KLC3: variants seen among roughly 807,000 people sequenced by gnomAD.
KLC3 encodes kinesin light chain 3, also known as kinesin light chain 2.
KLC3 carries 72 observed loss-of-function variants against 62.9 expected under a neutral mutation model. The ratio of observed to expected loss-of-function variants is 1.15; its 90% CI spans 0.95 to 1.39. KLC3 has a LOEUF of 1.39. KLC3 is among the 40% of genes most tolerant of loss of function. The pLI is 0.00. For synonymous variants in KLC3, 377 were observed against 300.5 expected (o/e 1.25, Z -2.63); for missense variants, 848 against 691.6 (o/e 1.23, Z -2.54).
intron 3 of KLC3, 120 bp downstream of exon 3, chr19:45,346,894 GACCCTCCTTAGAATGCCACAGTCCCCCA>G: frequency 1.0e-6 from 1 of 956,210 alleles, no homozygotes; most frequent in South Asian, 1.7e-5. Flanking sequence ...CAGTCCCCCA[GACCCTCCTTAGAATGCCACAGTCCCCCA>G]ACCCTCCACA....
At chr19:45,349,350 A>G in intron 7 of KLC3, 79 bp from the exon 8 acceptor site, 1 of 1,435,542 alleles carries the variant, frequency 7.0e-7, no homozygotes, top group South Asian at 1.3e-5. Flanking sequence ...TCCCCAACTC[A>G]TGACCACCAT....
intron 5 of KLC3, 25 bp downstream of exon 5, chr19:45,348,185 TG>T: frequency 6.5e-7 from 1 of 1,547,880 alleles, no homozygotes; most frequent in Non-Finnish European, 8.8e-7. Context: ...CAGCCATGGC[TG>T]GGGGCAGGAA....
chr19:45,342,149 T>C (rs1196451137), intron 1 of KLC3, among the ~76,000 whole-genome samples: 1 of 152,034 alleles, frequency 6.6e-6, no homozygotes, highest in East Asian at 1.9e-4. Flanking sequence ...TCTGAGGTTA[T>C]AGAGGGAGGT....
Position 45,348,721 on chromosome 19 carries a change from T to C in KLC3, c.855T>C (p.Pro285=). ...AGATCCGGGAGCAGACGCTGGGCCC[T>C]GAGCACCCCGCGGTGAGTGGGGCCC... The part of the protein sequence containing the change: ...ALQIREQTLG[P]EHPAVAATLN... Residue 285 remains proline, a synonymous_variant, in exon 6 of 13, where the codon CCT becomes CCC. Transcript: ENST00000391946. 6.3e-7 allele frequency: 1 copy of C among 1,590,814 alleles called. No homozygotes were observed. The highest frequency in any genetic ancestry group is 8.6e-7 in the Non-Finnish European group (1 of 1,169,034).
intron 1 of KLC3, among the ~76,000 whole-genome samples, chr19:45,344,214 CTT>C (rs60340712): frequency 0.029 from 3,453 of 120,938 alleles, 48 homozygotes; most frequent in Middle Eastern, 0.061. Flanking sequence ...TGTGTACCGT[CTT>C]TTTTTTTTTT....
At chr19:45,341,975 G>A (rs918489735) in intron 1 of KLC3, among the ~76,000 whole-genome samples, 2 of 152,030 alleles carry the variant, frequency 1.3e-5, no homozygotes, top group African/African-American at 4.8e-5. Flanking sequence ...GTGTGGGACT[G>A]TGCCTATGAT....
rs1971611106 is a variant in KLC3, at chr19:45,349,609, C to A, written c.1143+7C>A. 1 of 1,591,778 alleles carries A rather than the reference C, an allele frequency of 6.3e-7. No homozygotes were observed. The highest frequency in any genetic ancestry group is 8.6e-7 in the Non-Finnish European group (1 of 1,166,476). The stretch of plus-strand genomic sequence containing the variant: ...CAAGACCAAGAACAACCTGGTGAGG[C>A]CCCTGGGGCTCAGAGTGGGCCAAGA... On this transcript the variant is annotated splice_region_variant and intron_variant, in intron 8 of 12. Coordinates refer to ENST00000391946, the MANE Select transcript of KLC3 (RefSeq NM_177417.3).
intron 8 of KLC3, chr19:45,350,102 G>A (rs1230709608): frequency 7.4e-6 from 4 of 541,948 alleles, no homozygotes; most frequent in Non-Finnish European, 1.3e-5. Context: ...GCTTTAGGCA[G>A]GGGAAGGATA....
intron 10 of KLC3, 39 bp downstream of exon 10, chr19:45,350,590 G>GGGGACTGCATGGGCCTGGGGGACTGA: frequency 6.2e-7 from 1 of 1,613,868 alleles, no homozygotes; most frequent in Non-Finnish European, 8.5e-7. Context: ...GGGTGGGCGT[G>GGGGACTGCATGGGCCTGGGGGACTGA]GGGACTGCAT....
Position 45,348,712 on chromosome 19 carries a change from G to A in KLC3, c.846G>A (p.Thr282=), listed in dbSNP as rs565698368. ...ATGCCCTGCAGATCCGGGAGCAGAC[G>A]CTGGGCCCTGAGCACCCCGCGGTGA... ...LHDALQIREQ[T]LGPEHPAVAA... The change falls in exon 6 of 13, where the codon ACG becomes ACA. Residue 282 remains threonine, a synonymous_variant. Transcript: ENST00000391946. 1.7e-5 allele frequency: 27 copies of A among 1,593,682 alleles called. No homozygotes were observed. The highest frequency in any genetic ancestry group is 1.7e-4 in the Middle Eastern group (1 of 6,060).
intron 10 of KLC3, 38 bp downstream of exon 10, chr19:45,350,589 T>A: frequency 9.9e-6 from 16 of 1,613,492 alleles, no homozygotes; most frequent in African/African-American, 2.7e-5. Flanking sequence ...GGGGTGGGCG[T>A]GGGGACTGCA....
At chr19:45,348,768 A>T (rs780124981) in intron 6 of KLC3, 35 bp downstream of exon 6, 30 of 1,564,718 alleles carry the variant, frequency 1.9e-5, no homozygotes, top group Non-Finnish European at 2.6e-5. Context: ...AGTGGGGTCA[A>T]AGTGGGGCCA....
Position 45,351,012 on chromosome 19 carries a change from A to G in KLC3, c.1438A>G (p.Thr480Ala). The G allele has an allele frequency of 6.2e-7, 1 of 1,614,058 alleles. No homozygotes were observed. Among genetic ancestry groups the G allele is most frequent in the Non-Finnish European group, 8.5e-7 (1 of 1,179,998 alleles). Reference sequence around the variant, plus strand: ...CGTGGATGCTCCAAGGGCTCCTGGGACTCAGGTGAGGGGGACATCTGGGTC... The same window carrying G: ...CGTGGATGCTCCAAGGGCTCCTGGGGCTCAGGTGAGGGGGACATCTGGGTC... ...LNVDAPRAPG[T>A]QFPSWHLDKA... Residue 480 changes from threonine to alanine, a missense_variant, in exon 12 of 13, where the codon ACT becomes GCT. Physicochemically the swap from Thr to Ala is moderately conservative, Grantham distance 58. Transcript: ENST00000391946.
At chr19:45,346,880 CCCACAGTCCCCCAGACCCTCCTTAGAATG>C (rs1157721522) in intron 3 of KLC3, 106 bp downstream of exon 3, 10 of 1,072,110 alleles carry the variant, frequency 9.3e-6, no homozygotes, top group Middle Eastern at 2.2e-4. Flanking sequence ...TCCTTAGAAT[CCCACAGTCCCCCAGACCCTCCTTAGAATG>C]CCACAGTCCC....
At chr19:45,350,796 C>A in intron 11 of KLC3, 49 bp downstream of exon 11, 2 of 1,478,488 alleles carry the variant, frequency 1.4e-6, no homozygotes, top group Admixed American at 1.9e-5. Context: ...GCAGAATCCA[C>A]AGCCCACCCC....
intron 4 of KLC3, 102 bp from the exon 5 acceptor site, chr19:45,347,839 G>T: frequency 1.0e-6 from 1 of 965,488 alleles, no homozygotes; most frequent in South Asian, 1.6e-5. Flanking sequence ...AGTCCCAGGG[G>T]CCAGTTAGGC....
In KLC3 at chr19:45,351,348, C is replaced by G. The variant is rs201564801; in HGVS notation, c.1506C>G (p.Ser502Arg). Residue 502 changes from serine (S) to arginine (R), a missense_variant, in exon 13 of 13, where the codon AGC (serine) becomes AGG (arginine). Ser to Arg is a moderately radical substitution (Grantham distance 110). Coordinates refer to ENST00000391946, the MANE Select transcript of KLC3 (RefSeq NM_177417.3). ...RTLSASTQDL[S>R]PH ...TCAGCGCCAGCACCCAGGACCTGAG[C>G]CCCCACTAACGTCCAGTGAACTGCG... 6.2e-7 allele frequency: 1 copy of G among 1,611,188 alleles called. No homozygotes were observed. Among genetic ancestry groups the G allele is most frequent in the East Asian group, 2.2e-5 (1 of 44,874 alleles).
chr19:45,342,035 G>A (rs1422031124), intron 1 of KLC3, among the ~76,000 whole-genome samples: 1 of 152,098 alleles, frequency 6.6e-6, no homozygotes, highest in African/African-American at 2.4e-5. Flanking sequence ...TGTGGGAGCT[G>A]CTGTGTGTCT....
Position 45,346,531 on chromosome 19 carries a change from C to G in KLC3, c.259-13C>G, listed in dbSNP as rs999792062. ...AGGAACCAACCTCGACTTGGGACCC[C>G]CACCCCGGGCAGGTGCTGCTGGCCC... On this transcript the variant is annotated splice_polypyrimidine_tract_variant and intron_variant, in intron 2 of 12. Coordinates refer to ENST00000391946, the MANE Select transcript of KLC3 (RefSeq NM_177417.3). 1 of 1,516,592 alleles carries G rather than the reference C, an allele frequency of 6.6e-7. No homozygotes were observed. The highest frequency in any genetic ancestry group is 8.8e-7 in the Non-Finnish European group (1 of 1,129,972). 93.9% of individuals were successfully genotyped at this position (1,516,592 alleles called of 1,614,324 possible). A position where few individuals can be genotyped will look rare whatever the true frequency, so the allele number is the denominator to read the frequency against.
Sources: allele counts gnomAD v4.1 joint callset (sites outside exome capture counted in the v4.1 genomes callset), GRCh38; gene constraint gnomAD v4.1.1; transcripts MANE v1.5; gene names NCBI Gene and HGNC (gene_info 2026-07-23, HGNC 2026-07-21).